Variants in HS3ST4 observed in about 807,000 individuals in gnomAD.
HS3ST4 encodes the protein heparan sulfate glucosamine 3-O-sulfotransferase 4.
In HS3ST4, 17 loss-of-function variants were observed where a neutral mutation model predicts 29.2. That is an observed-to-expected ratio of 0.58 (90% CI 0.40 to 0.87). The LOEUF is 0.87. Ranked by LOEUF, HS3ST4 falls within the 40% of genes least tolerant of loss-of-function variation. The pLI, the probability that HS3ST4 is intolerant of heterozygous loss-of-function variation, is 0.00. For synonymous variants in HS3ST4, 314 were observed against 285.7 expected (o/e 1.10, Z -1.00); for missense variants, 627 against 634.5 (o/e 0.99, Z 0.13).
intron 1 of HS3ST4, among the ~76,000 whole-genome samples, chr16:26,071,688 G>A (rs905527478): frequency 3.3e-5 from 5 of 152,150 alleles, no homozygotes; most frequent in African/African-American, 1.2e-4. Flanking sequence ...CAGGACTCAA[G>A]TGTGAGGCTG....
intron 1 of HS3ST4, among the ~76,000 whole-genome samples, chr16:26,092,521 A>T (rs1043082044): frequency 7.2e-5 from 11 of 152,176 alleles, no homozygotes; most frequent in Middle Eastern, 3.2e-3. Flanking sequence ...CTGGATCTTT[A>T]AGATATGACA....
In HS3ST4 at chr16:26,021,657, C is replaced by CTAT. The variant is rs79226603; in HGVS notation, c.735-113935_735-113933dup. Among the ~76,000 whole-genome samples the CTAT allele has an allele frequency of 6.6e-3, 993 of 151,478 alleles. 13 individuals are homozygous for CTAT. Among genetic ancestry groups the CTAT allele is most frequent in the African/African-American group, 0.016 (669 of 41,284 alleles). ...CCTCTAAGCACTTCCAATCTAAGTT[C>CTAT]TATTATTATTATTATTATTATTTTT... On this transcript the variant is annotated intron_variant, in intron 1 of 1. Transcript: ENST00000331351.
intron 1 of HS3ST4, among the ~76,000 whole-genome samples, chr16:25,887,919 G>C (rs911752948): frequency 6.6e-6 from 1 of 151,866 alleles, no homozygotes; most frequent in Non-Finnish European, 1.5e-5. Flanking sequence ...GGATGGTCTC[G>C]ATCTTCTGAC....
At chr16:25,723,780 T>C (rs1277253651) in intron 1 of HS3ST4, among the ~76,000 whole-genome samples, 1 of 152,228 alleles carries the variant, frequency 6.6e-6, no homozygotes, top group Non-Finnish European at 1.5e-5. Flanking sequence ...TATATTTATG[T>C]CTTGTCTGAA....
At chr16:26,043,066 C>G (rs559036688) in intron 1 of HS3ST4, among the ~76,000 whole-genome samples, 77 of 152,270 alleles carry the variant, frequency 5.1e-4, no homozygotes, top group African/African-American at 1.9e-3. Flanking sequence ...AGCACAAGCA[C>G]TTTTATGTTA....
intron 1 of HS3ST4, among the ~76,000 whole-genome samples, chr16:25,823,870 C>A (rs1447166367): frequency 6.6e-6 from 1 of 152,166 alleles, no homozygotes; most frequent in Non-Finnish European, 1.5e-5. Flanking sequence ...GGCCTAAGGC[C>A]ACTGTTTTTT....
chr16:26,118,449 C>A (rs1337212553), intron 1 of HS3ST4, among the ~76,000 whole-genome samples: 1 of 152,178 alleles, frequency 6.6e-6, no homozygotes, highest in African/African-American at 2.4e-5. Context: ...GCTAAATTAG[C>A]ATCGTCTAAT....
At position 26,114,493 on chromosome 16, in the gene HS3ST4, G is replaced by A. The variant is rs140606434; in HGVS notation, c.735-21119G>A. ...GGGTCCAACCATGCAGACTTTCCCC[G>A]GGAGTCTATTTTGGCCTTTTCCCAA... is the stretch of plus-strand genomic sequence containing the variant. On this transcript the variant is annotated intron_variant, in intron 1 of 1. Transcript: ENST00000331351. Among the ~76,000 whole-genome samples, 357 of 152,220 alleles carry A rather than the reference G, an allele frequency of 2.3e-3. 2 individuals carry two copies. Among genetic ancestry groups the A allele is most frequent in the African/African-American group, 8.2e-3 (339 of 41,530 alleles).
intron 1 of HS3ST4, among the ~76,000 whole-genome samples, chr16:25,866,284 T>G (rs1967693877): frequency 6.6e-6 from 1 of 152,156 alleles, no homozygotes; most frequent in Non-Finnish European, 1.5e-5. Flanking sequence ...TACTTCTAAG[T>G]AATGTACAGA....
intron 1 of HS3ST4, among the ~76,000 whole-genome samples, chr16:26,028,196 G>A (rs57233583): frequency 1.3e-5 from 2 of 149,354 alleles, no homozygotes; most frequent in South Asian, 2.1e-4. Context: ...TTGCTTGAAC[G>A]TGGGAAGCAG....
chr16:25,960,792 T>C (rs1968786559), intron 1 of HS3ST4, among the ~76,000 whole-genome samples: 1 of 152,216 alleles, frequency 6.6e-6, no homozygotes, highest in Non-Finnish European at 1.5e-5. Context: ...ATCAGAGTGA[T>C]ATTTTGTATG....
chr16:25,701,302 C>T (rs1169648856), intron 1 of HS3ST4, among the ~76,000 whole-genome samples: 2 of 152,186 alleles, frequency 1.3e-5, no homozygotes, highest in African/African-American at 4.8e-5. Context: ...TGCCCCATTC[C>T]TAAAGCAATA....
At chr16:25,927,936 C>T (rs939859815) in intron 1 of HS3ST4, among the ~76,000 whole-genome samples, 4 of 150,064 alleles carry the variant, frequency 2.7e-5, no homozygotes, top group Non-Finnish European at 4.4e-5. Context: ...CAGTGGCTCA[C>T]GCCTGTAATC....
At chr16:25,967,502 T>C (rs12921387) in intron 1 of HS3ST4, among the ~76,000 whole-genome samples, 33,270 of 152,232 alleles carry the variant, frequency 0.22, 4,478 homozygotes, top group Non-Finnish European at 0.31. Context: ...CTTTTTATTT[T>C]ATAAATCATG....
intron 1 of HS3ST4, among the ~76,000 whole-genome samples, chr16:25,897,322 T>A (rs1167259441): frequency 2.0e-5 from 3 of 152,010 alleles, no homozygotes; most frequent in Non-Finnish European, 2.9e-5. Flanking sequence ...GGCATGGTGG[T>A]AAGCCTGTAG....
intron 1 of HS3ST4, among the ~76,000 whole-genome samples, chr16:25,914,004 T>G (rs1968266241): frequency 7.1e-6 from 1 of 140,602 alleles, no homozygotes; most frequent in Non-Finnish European, 1.5e-5. Context: ...GGGAGGTGTA[T>G]GTGTGTGTAT....
intron 1 of HS3ST4, among the ~76,000 whole-genome samples, chr16:25,929,478 AC>A (rs1166896708): frequency 6.6e-6 from 1 of 152,168 alleles, no homozygotes; most frequent in Non-Finnish European, 1.5e-5. Flanking sequence ...CCTTCTAATC[AC>A]ACATCGCATC....
intron 1 of HS3ST4, among the ~76,000 whole-genome samples, chr16:25,728,111 C>T (rs1468053856): frequency 6.6e-6 from 1 of 152,180 alleles, no homozygotes; most frequent in South Asian, 2.1e-4. Flanking sequence ...AAGCAATTCT[C>T]CTGCCTCAGC....
chr16:26,054,423 G>A (rs1567302767), intron 1 of HS3ST4, among the ~76,000 whole-genome samples: 1 of 152,186 alleles, frequency 6.6e-6, no homozygotes, highest in Non-Finnish European at 1.5e-5. Flanking sequence ...AATTGACTCA[G>A]TTTACCTAAC....
Sources: gnomAD v4.1 joint callset for allele counts (sites outside exome capture counted in the v4.1 genomes callset) on GRCh38, gnomAD v4.1.1 for gene constraint, MANE v1.5 for transcripts, NCBI Gene and HGNC (gene_info 2026-07-23, HGNC 2026-07-21) for gene names.